The following ERCC8 variants were observed in gnomAD, a reference collection of about 807,000 sequenced individuals.
ERCC8 encodes ERCC excision repair 8, CSA ubiquitin ligase complex subunit.
Under a neutral mutation model 54.9 loss-of-function variants are expected in ERCC8, and 52 were observed. The ratio of observed to expected loss-of-function variants is 0.95; its 90% confidence interval spans 0.76 to 1.19. ERCC8 has a LOEUF of 1.19. ERCC8 is among the 50% of genes most tolerant of loss of function. The pLI is 0.00. For synonymous variants in ERCC8, 146 were observed against 157.2 expected (o/e 0.93, Z 0.53); for missense variants, 514 against 466.1 (o/e 1.10, Z -0.95).
intron 11 of ERCC8, among the ~76,000 whole-genome samples, chr5:60,887,126 G>C (rs922450646): frequency 1.3e-5 from 2 of 152,146 alleles, no homozygotes; most frequent in Non-Finnish European, 2.9e-5. Flanking sequence ...TTTGACTTGA[G>C]GAATTTTATG....
intron 3 of ERCC8, among the ~76,000 whole-genome samples, chr5:60,921,349 G>A (rs912148565): frequency 6.6e-6 from 1 of 151,884 alleles, no homozygotes; most frequent in African/African-American, 2.4e-5. Flanking sequence ...CATTTTCTCA[G>A]TGCCCATTCT....
At chr5:60,883,868 A>G (rs1235082029) in intron 11 of ERCC8, among the ~76,000 whole-genome samples, 1 of 152,206 alleles carries the variant, frequency 6.6e-6, no homozygotes, top group African/African-American at 2.4e-5. Context: ...CTCAAAATAT[A>G]ATAAAACAGT....
chr5:60,938,023 G>A (rs1325671471), intron 1 of ERCC8, among the ~76,000 whole-genome samples: 15 of 89,700 alleles, frequency 1.7e-4, no homozygotes, highest in South Asian at 4.0e-4. Flanking sequence ...GTGTGTGTGT[G>A]TATACATACA....
intron 11 of ERCC8, among the ~76,000 whole-genome samples, chr5:60,884,218 G>C (rs1053995737): frequency 6.6e-6 from 1 of 152,146 alleles, no homozygotes. Context: ...GGTGGCTCAA[G>C]CCTGTAATCC....
At chr5:60,903,065 A>G (rs1033127672) in intron 6 of ERCC8, among the ~76,000 whole-genome samples, 5 of 151,280 alleles carry the variant, frequency 3.3e-5, no homozygotes, top group African/African-American at 1.2e-4. Context: ...AAAATTCATA[A>G]TAATGTCAAA....
rs1408967478 is a variant in ERCC8, at chr5:60,879,464, TG to T, written c.1123-4782del. 7.9e-5 allele frequency among the ~76,000 whole-genome samples: 12 copies of T among 152,168 alleles called. 1 individual carries two copies. Among genetic ancestry groups the T allele is most frequent in the Admixed American group, 4.6e-4 (7 of 15,274 alleles). On this transcript the variant is annotated intron_variant, in intron 11 of 11. Transcript: ENST00000676185. ...TTGTTGATCTGTCTAATGTTGACAGTGGGGTGTTAAAGTCTCCCATTATTAT... is the reference window on the plus strand; with the variant it reads ...TTGTTGATCTGTCTAATGTTGACAGTGGGTGTTAAAGTCTCCCATTATTAT...
chr5:60,907,773 T>G (rs1313865592), intron 4 of ERCC8, among the ~76,000 whole-genome samples: 3 of 152,202 alleles, frequency 2.0e-5, no homozygotes, highest in Admixed American at 6.5e-5. Flanking sequence ...AAAGAGCATT[T>G]TCGCCCTACA....
At chr5:60,929,025 C>A (rs761007820) in intron 1 of ERCC8, 66 bp from the exon 2 acceptor site, 19 of 937,790 alleles carry the variant, frequency 2.0e-5, no homozygotes, top group Non-Finnish European at 3.1e-5. Flanking sequence ...TCTTATTTAA[C>A]CAAGATTACT....
Position 60,903,666 on chromosome 5 carries a change from A to T in ERCC8, c.532T>A (p.Cys178Ser). The change falls in exon 6 of 12, where the codon TGT becomes AGT. Residue 178 changes from cysteine (C) to serine (S), a missense_variant. Physicochemically the swap from Cys to Ser is moderately radical, Grantham distance 112. Transcript: ENST00000676185. ...VQLCDLKSGS[C>S]SHILQGHRQE... ...AAAATACCCTGTAGAATGTGAGAAC[A>T]GGATCCAGACTTCAAGTCACAAAGT... is the stretch of plus-strand genomic sequence containing the variant. 3 of 1,612,762 alleles carry T rather than the reference A, an allele frequency of 1.9e-6. No homozygotes were observed. The highest frequency in any genetic ancestry group is 2.5e-6 in the Non-Finnish European group (3 of 1,179,194).
intron 11 of ERCC8, among the ~76,000 whole-genome samples, chr5:60,878,723 T>G (rs1419720016): frequency 6.9e-6 from 1 of 144,118 alleles, no homozygotes; most frequent in Non-Finnish European, 1.6e-5. Flanking sequence ...ATATCCCCTT[T>G]ATCATTTTTT....
intron 4 of ERCC8, among the ~76,000 whole-genome samples, chr5:60,913,293 A>G (rs1749328943): frequency 6.6e-6 from 1 of 152,042 alleles, no homozygotes; most frequent in Non-Finnish European, 1.5e-5. Context: ...CTATTCAGAG[A>G]TTCAACTTCT....
chr5:60,903,387 A>G, intron 6 of ERCC8: 1 of 433,534 alleles, frequency 2.3e-6, no homozygotes, highest in Non-Finnish European at 4.0e-6. Context: ...TTTAATGTAG[A>G]AATAACACAA....
chr5:60,938,624 G>A (rs1169794548), intron 1 of ERCC8, among the ~76,000 whole-genome samples: 1 of 152,224 alleles, frequency 6.6e-6, no homozygotes, highest in African/African-American at 2.4e-5. Context: ...AAAGTGCTGG[G>A]ATTACAGGCG....
chr5:60,893,119 A>G (rs112555472), intron 9 of ERCC8: 12 of 784,792 alleles, frequency 1.5e-5, no homozygotes, highest in African/African-American at 8.5e-5. Flanking sequence ...CCTTCTGCCC[A>G]TAGGATAGCC....
Position 60,875,177 on chromosome 5 carries a change from C to A in ERCC8, c.1123-494G>T, listed in dbSNP as rs567160110. Among the ~76,000 whole-genome samples the A allele has an allele frequency of 6.6e-5, 10 of 152,170 alleles. No homozygotes were observed. In the South Asian group the frequency reaches 2.1e-3, roughly 32 times the overall value. On this transcript the variant is annotated intron_variant, in intron 11 of 11. Transcript: ENST00000676185. ...AAATATGGAGAATAAGGTATTCAAG[C>A]TGAATAATACCATTTTTAGTCCAAA...
At chr5:60,914,429 T>A (rs1397917868) in intron 4 of ERCC8, among the ~76,000 whole-genome samples, 1 of 152,112 alleles carries the variant, frequency 6.6e-6, no homozygotes, top group Non-Finnish European at 1.5e-5. Context: ...TTTTTTGCTT[T>A]CCATTTGCTT....
chr5:60,904,632 GTGTATATATATATATATATATATATA>G (rs1358978731), intron 5 of ERCC8, among the ~76,000 whole-genome samples, 134 bp downstream of exon 5: 100 of 35,870 alleles, frequency 2.8e-3, no homozygotes, highest in Admixed American at 4.4e-3. Context: ...GTGTGTGTGT[GTGTATATATATATATATATATATATA>G]TATATATATA....
In ERCC8 at chr5:60,872,756, G is replaced by A. The variant is rs80059421; in HGVS notation, c.*1859C>T. Among the ~76,000 whole-genome samples, 34 of 152,318 alleles carry A rather than the reference G, an allele frequency of 2.2e-4. No homozygotes were observed. The East Asian group carries it at 6.6e-3, about 29-fold the overall frequency. ...CAGCCATTATGGAAGACAGTATGGA[G>A]TTTCTGCAAAAAGTTAAAAATAGAA... On this transcript the variant is annotated 3_prime_UTR_variant, in exon 12 of 12. Coordinates refer to ENST00000676185, the MANE Select transcript of ERCC8 (RefSeq NM_000082.4).
chr5:60,886,057 T>C (rs1271570775), intron 11 of ERCC8, among the ~76,000 whole-genome samples: 2 of 148,250 alleles, frequency 1.3e-5, no homozygotes, highest in East Asian at 3.9e-4. Context: ...ACTATATGTA[T>C]ATATATATGT....
Sources: gnomAD v4.1 joint callset for allele counts (sites outside exome capture counted in the v4.1 genomes callset) on GRCh38, gnomAD v4.1.1 for gene constraint, MANE v1.5 for transcripts, NCBI Gene and HGNC (gene_info 2026-07-23, HGNC 2026-07-21) for gene names.